Variants in SPTBN1 observed in about 807,000 individuals in gnomAD.
The protein encoded by SPTBN1 is spectrin beta, non-erythrocytic 1.
SPTBN1 carries 32 observed loss-of-function variants against 266.4 expected under a neutral mutation model. That is an observed-to-expected ratio of 0.12 (90% CI 0.09 to 0.16). The LOEUF (loss-of-function observed/expected upper bound fraction) is 0.16, where lower values mean the gene tolerates loss of function less well. Among genes scored for constraint, SPTBN1 ranks in the 10% least tolerant of loss-of-function variants. SPTBN1 has a pLI of 1.00. For synonymous variants in SPTBN1, 1,336 were observed against 1,162.2 expected (o/e 1.15, Z -3.04); for missense variants, 2,296 against 3,067.1 (o/e 0.75, Z 5.94).
In SPTBN1 at chr2:54,456,382, G is replaced by C. The variant is rs1023959798; in HGVS notation, c.-184G>C. Reference sequence around the variant, plus strand: ...AGCGAGCGCGCAGCCCTGCGCAGCAGCGCCCACTGGTCCCGTCCTGTGAGC... The same window carrying C: ...AGCGAGCGCGCAGCCCTGCGCAGCACCGCCCACTGGTCCCGTCCTGTGAGC... On this transcript the variant is annotated 5_prime_UTR_variant, in exon 1 of 36. Transcript: ENST00000356805. 2.6e-5 allele frequency: 4 copies of C among 152,444 alleles called. No individual in the cohort carries two copies. Among genetic ancestry groups the C allele is most frequent in the Admixed American group, 6.5e-5 (1 of 15,278 alleles). 9.4% of individuals were successfully genotyped at this position (152,444 alleles called of 1,614,324 possible). A position where few individuals can be genotyped will look rare whatever the true frequency, so the allele number is the denominator to read the frequency against.
chr2:54,633,730 G>A (rs1678923937), intron 17 of SPTBN1, among the ~76,000 whole-genome samples: 2 of 152,156 alleles, frequency 1.3e-5, no homozygotes, highest in East Asian at 1.9e-4. Context: ...TGTTGGAAAG[G>A]AAAAATATTC....
At chr2:54,457,138 T>G (rs1693086661) in intron 1 of SPTBN1, 1 of 99,838 alleles carries the variant, frequency 1.0e-5, no homozygotes, top group South Asian at 5.0e-4. Context: ...CTGCGCTTGC[T>G]ACCCTCGTGC....
intron 1 of SPTBN1, among the ~76,000 whole-genome samples, chr2:54,458,195 A>G (rs1187194402): frequency 2.0e-5 from 3 of 152,240 alleles, no homozygotes; most frequent in Non-Finnish European, 4.4e-5. Flanking sequence ...TTTTTTCTGT[A>G]GGAAACCATT....
At chr2:54,522,407 G>C (rs6724374) in intron 1 of SPTBN1, among the ~76,000 whole-genome samples, 33,032 of 151,786 alleles carry the variant, frequency 0.22, 4,406 homozygotes, top group African/African-American at 0.37. Flanking sequence ...AAAGCAAGCA[G>C]ATTACCCGAG....
chr2:54,532,103 C>T lies in SPTBN1; in HGVS notation c.148+5537C>T, dbSNP rs972288159. Among the ~76,000 whole-genome samples, 28 of 152,128 alleles carry T rather than the reference C, an allele frequency of 1.8e-4. 1 individual carries two copies. Among genetic ancestry groups the T allele is most frequent in the Admixed American group, 4.6e-4 (7 of 15,274 alleles). ...AGGCGTTCAAAACCAGCCTGGCCAA[C>T]GTAGCGAAACCCCATCTCTGCTAAA... On this transcript the variant is annotated intron_variant, in intron 2 of 35. Transcript: ENST00000356805.
chr2:54,517,563 A>C (rs1670178751), intron 1 of SPTBN1, among the ~76,000 whole-genome samples: 1 of 152,158 alleles, frequency 6.6e-6, no homozygotes, highest in South Asian at 2.1e-4. Flanking sequence ...AATAATTATT[A>C]ATAGGTCTCA....
At chr2:54,613,976 G>T (rs542487569) in intron 4 of SPTBN1, among the ~76,000 whole-genome samples, 2 of 152,210 alleles carry the variant, frequency 1.3e-5, no homozygotes, top group African/African-American at 4.8e-5. Context: ...CAGGGAGCTG[G>T]CACACACAGC....
At position 54,597,889 on chromosome 2, in the gene SPTBN1, T is replaced by G. The variant is rs938794744; in HGVS notation, c.149-1203T>G. On this transcript the variant is annotated intron_variant, in intron 2 of 35. Transcript: ENST00000356805. ...TGCTTTTTTTTTTTTTTTTTTTTTT[T>G]GTAGATTCGTGTGTAATTATTTTTG... 5.3e-5 allele frequency among the ~76,000 whole-genome samples: 5 copies of G among 94,106 alleles called. No individual in the cohort carries two copies. In the South Asian group the frequency reaches 9.7e-4, roughly 18 times the overall value. The allele number at this position is 94,106 out of a possible 152,430, so 61.7% of individuals were successfully genotyped here.
At position 54,465,637 on chromosome 2, in the gene SPTBN1, CTCATATATAT is replaced by C. The variant is rs1435305442; in HGVS notation, c.-48+9120_-48+9129del. On this transcript the variant is annotated intron_variant, in intron 1 of 35. Coordinates refer to ENST00000356805, the MANE Select transcript of SPTBN1 (RefSeq NM_003128.3). ...TATGATGCATACATATCATGTTTAT[CTCATATATAT>C]ATATATATATATATATATATATCTC... 1.7e-4 allele frequency among the ~76,000 whole-genome samples: 15 copies of C among 89,746 alleles called. No homozygotes were observed. The South Asian group carries it at 2.0e-3, about 12-fold the overall frequency. 58.9% of individuals were successfully genotyped at this position (89,746 alleles called of 152,430 possible).
At chr2:54,609,028 G>T (rs539321127) in intron 3 of SPTBN1, among the ~76,000 whole-genome samples, 2 of 152,224 alleles carry the variant, frequency 1.3e-5, no homozygotes, top group East Asian at 3.9e-4. Flanking sequence ...GGAGGAAGGT[G>T]GGGGGATTGG....
At chr2:54,586,084 A>T (rs1040882580) in intron 2 of SPTBN1, among the ~76,000 whole-genome samples, 1 of 152,172 alleles carries the variant, frequency 6.6e-6, no homozygotes, top group Non-Finnish European at 1.5e-5. Context: ...ATAAAATTAT[A>T]CATTTTGTTT....
intron 1 of SPTBN1, among the ~76,000 whole-genome samples, chr2:54,493,080 A>G (rs1237449147): frequency 7.0e-6 from 1 of 142,822 alleles, no homozygotes. Context: ...ATCAGAGCTC[A>G]CTGCAACCTC....
chr2:54,595,023 A>T (rs541966805), intron 2 of SPTBN1, among the ~76,000 whole-genome samples: 1 of 152,042 alleles, frequency 6.6e-6, no homozygotes, highest in South Asian at 2.1e-4. Flanking sequence ...TAGTAGAGAC[A>T]GAGTTTCACC....
At chr2:54,638,212 C>T (rs1679283407) in intron 18 of SPTBN1, among the ~76,000 whole-genome samples, 2 of 152,208 alleles carry the variant, frequency 1.3e-5, no homozygotes, top group Admixed American at 6.5e-5. Flanking sequence ...AGATATAGAA[C>T]ATTTCTGTCG....
At chr2:54,659,325 G>A (rs1680884167) in intron 31 of SPTBN1, 59 bp downstream of exon 31, 1 of 1,543,566 alleles carries the variant, frequency 6.5e-7, no homozygotes, top group African/African-American at 1.4e-5. Context: ...TGAGGTTTAT[G>A]GGGCATCTTT....
At chr2:54,475,751 C>A (rs985982831) in intron 1 of SPTBN1, among the ~76,000 whole-genome samples, 2 of 152,076 alleles carry the variant, frequency 1.3e-5, no homozygotes, top group Non-Finnish European at 2.9e-5. Context: ...AAGAATACAG[C>A]CATCGGTAAG....
At chr2:54,636,359 A>G (rs1210969213) in intron 17 of SPTBN1, among the ~76,000 whole-genome samples, 2 of 152,236 alleles carry the variant, frequency 1.3e-5, no homozygotes, top group Non-Finnish European at 2.9e-5. Flanking sequence ...TTTACATAAT[A>G]TAAATTATAT....
At chr2:54,657,789 G>A (rs1440574580) in intron 29 of SPTBN1, 61 bp from the exon 30 acceptor site, 1 of 1,603,100 alleles carries the variant, frequency 6.2e-7, no homozygotes, top group East Asian at 2.2e-5. Flanking sequence ...CAAGAGGTAA[G>A]GCCATATGAC....
chr2:54,583,133 C>A (rs1675061545), intron 2 of SPTBN1, among the ~76,000 whole-genome samples: 1 of 151,988 alleles, frequency 6.6e-6, no homozygotes, highest in African/African-American at 2.4e-5. Context: ...GATCTTATTC[C>A]TGCCGCTGCT....
Sources: gnomAD v4.1 joint callset for allele counts (sites outside exome capture counted in the v4.1 genomes callset) on GRCh38, gnomAD v4.1.1 for gene constraint, MANE v1.5 for transcripts, NCBI Gene and HGNC (gene_info 2026-07-23, HGNC 2026-07-21) for gene names.